The following AK5 variants were observed in gnomAD, a reference collection of about 807,000 sequenced individuals.
The protein encoded by AK5 is adenylate kinase isoenzyme 5.
A neutral mutation model predicts 69.5 loss-of-function variants in AK5; 27 were observed. The observed-to-expected ratio is 0.39, with a 90% CI of 0.29 to 0.54. The LOEUF is 0.54. Among genes scored for constraint, AK5 ranks in the 20% least tolerant of loss-of-function variants. The pLI is 0.71. For synonymous variants in AK5, 260 were observed against 244.4 expected (o/e 1.06, Z -0.60); for missense variants, 531 against 700.4 (o/e 0.76, Z 2.73).
chr1:77,520,783 G>A (rs1375393510), intron 11 of AK5, among the ~76,000 whole-genome samples: 2 of 152,122 alleles, frequency 1.3e-5, no homozygotes, highest in Non-Finnish European at 1.5e-5. Context: ...GTTCATCTAT[G>A]GTCTGTCTTC....
intron 8 of AK5, among the ~76,000 whole-genome samples, chr1:77,422,771 A>G (rs889204332): frequency 6.6e-6 from 1 of 152,224 alleles, no homozygotes; most frequent in East Asian, 1.9e-4. Flanking sequence ...GGAGCCTGGC[A>G]TATGGCATAT....
At chr1:77,529,460 G>C (rs989691532) in intron 12 of AK5, among the ~76,000 whole-genome samples, 2 of 151,834 alleles carry the variant, frequency 1.3e-5, no homozygotes, top group African/African-American at 4.8e-5. Context: ...CAGCAGCGGG[G>C]ATTACAGGTG....
intron 1 of AK5, 21 bp downstream of exon 1, chr1:77,282,394 C>T (rs61784593): frequency 1.1e-5 from 17 of 1,537,130 alleles, no homozygotes; most frequent in African/African-American, 1.4e-5. Flanking sequence ...AGCTGGCCGA[C>T]GGGCGGTAGC....
intron 8 of AK5, among the ~76,000 whole-genome samples, chr1:77,482,522 C>T (rs1455862937): frequency 1.3e-5 from 2 of 152,060 alleles, no homozygotes; most frequent in African/African-American, 4.8e-5. Flanking sequence ...TCTGTAATCC[C>T]AGCACTTTGA....
intron 10 of AK5, among the ~76,000 whole-genome samples, chr1:77,509,382 G>A (rs138120542): frequency 7.0e-4 from 106 of 152,168 alleles, no homozygotes; most frequent in East Asian, 7.7e-4. Flanking sequence ...AATTGTTTTC[G>A]GTCCAAGAGT....
chr1:77,412,782 G>A (rs577483064), intron 7 of AK5, among the ~76,000 whole-genome samples: 32 of 151,810 alleles, frequency 2.1e-4, no homozygotes, highest in East Asian at 7.7e-4. Flanking sequence ...CTCCCATATC[G>A]CCTCCTATGA....
At chr1:77,550,580 C>T (rs986850096) in intron 13 of AK5, among the ~76,000 whole-genome samples, 3 of 152,142 alleles carry the variant, frequency 2.0e-5, no homozygotes, top group Non-Finnish European at 4.4e-5. Flanking sequence ...ACACCAGCAC[C>T]CTTATAAGCT....
rs960229092 is a variant in AK5 at position 77,306,977 on chromosome 1, C to CT, written c.699+9038dup. Reference sequence around the variant, plus strand: ...AATTTTATTTATTTGGATCTTGTCTCTTTTTTTTCCTAGCCTGGCTAAAAG... The same window carrying CT: ...AATTTTATTTATTTGGATCTTGTCTCTTTTTTTTTCCTAGCCTGGCTAAAAG... On this transcript the variant is annotated intron_variant, in intron 5 of 13. Transcript: ENST00000354567. Among the ~76,000 whole-genome samples, 6 of 151,852 alleles carry CT rather than the reference C, an allele frequency of 4.0e-5. No individual in the cohort carries two copies. The East Asian group carries it at 9.7e-4, about 24-fold the overall frequency.
intron 2 of AK5, among the ~76,000 whole-genome samples, chr1:77,292,332 C>A (rs1022362920): frequency 1.3e-5 from 2 of 152,136 alleles, no homozygotes; most frequent in African/African-American, 2.4e-5. Context: ...CTGCAGACTA[C>A]CCAGTGCTTT....
intron 6 of AK5, among the ~76,000 whole-genome samples, chr1:77,360,785 T>G (rs1646849060): frequency 6.6e-6 from 1 of 152,168 alleles, no homozygotes. Flanking sequence ...TTGAAAAGTC[T>G]AGAATAGATC....
At chr1:77,301,948 C>G (rs1365479938) in intron 5 of AK5, among the ~76,000 whole-genome samples, 1 of 80,114 alleles carries the variant, frequency 1.2e-5, no homozygotes, top group Non-Finnish European at 2.7e-5. Context: ...ATATGCTATC[C>G]TCTCCTTTTT....
Position 77,486,349 on chromosome 1 carries a change from A to G in AK5, c.1144A>G (p.Ile382Val). 1 of 1,577,706 alleles carries G rather than the reference A, an allele frequency of 6.3e-7. No individual in the cohort carries two copies. The highest frequency in any genetic ancestry group is 8.7e-7 in the Non-Finnish European group (1 of 1,150,376). The change falls in exon 10 of 14, where the codon ATT becomes GTT. Residue 382 changes from isoleucine (I) to valine (V), a missense_variant. Coordinates refer to ENST00000354567, the MANE Select transcript of AK5 (RefSeq NM_174858.3). ...DLRKCKIIFI[I>V]GGPGSGKGTQ... ...GAGAAAGTGTAAAATTATTTTCATA[A>G]TTGGTGAGTAACAGCCCTTGCATTT...
chr1:77,414,563 T>G (rs1046897594), intron 7 of AK5, among the ~76,000 whole-genome samples: 2 of 152,298 alleles, frequency 1.3e-5, no homozygotes, highest in East Asian at 3.9e-4. Flanking sequence ...GGAGCCAACC[T>G]GAAAATAATA....
chr1:77,503,293 A>G (rs1656831541), intron 10 of AK5, among the ~76,000 whole-genome samples: 1 of 152,194 alleles, frequency 6.6e-6, no homozygotes, highest in Non-Finnish European at 1.5e-5. Context: ...GGGAATGTAC[A>G]TTTTTGCCTA....
intron 6 of AK5, among the ~76,000 whole-genome samples, chr1:77,397,002 A>C (rs185372494): frequency 2.6e-5 from 4 of 152,336 alleles, no homozygotes; most frequent in Non-Finnish European, 5.9e-5. Flanking sequence ...CACTCACTAC[A>C]GACACATGCC....
At chr1:77,438,325 C>A (rs6603949) in intron 8 of AK5, among the ~76,000 whole-genome samples, 1,443 of 25,406 alleles carry the variant, frequency 0.057, 42 homozygotes, top group Non-Finnish European at 0.084. Context: ...AAAAAAAAAA[C>A]AAGCTTGGGG....
intron 5 of AK5, among the ~76,000 whole-genome samples, chr1:77,321,988 G>C (rs1660559364): frequency 6.6e-6 from 1 of 152,140 alleles, no homozygotes; most frequent in Admixed American, 6.5e-5. Flanking sequence ...TATATTAGCA[G>C]CAAATTTTTA....
chr1:77,417,699 C>A lies in AK5; in HGVS notation c.1043C>A (p.Ser348Tyr), dbSNP rs1271965025. 3 of 1,601,822 alleles carry A rather than the reference C, an allele frequency of 1.9e-6. No homozygotes were observed. The South Asian group carries it at 3.3e-5, about 18-fold the overall frequency. ...ACTGGAGAGATCATTGATACAGGATCTGATTATGAAGATCAGGTAATTAAA... is the reference window on the plus strand; with the variant it reads ...ACTGGAGAGATCATTGATACAGGATATGATTATGAAGATCAGGTAATTAAA... ...LDTGEIIDTG[S>Y]DYEDQGDDQL... Residue 348 changes from serine to tyrosine, a missense_variant, in exon 8 of 14, where the codon TCT becomes TAT. Physicochemically the swap from Ser to Tyr is moderately radical, Grantham distance 144. Transcript: ENST00000354567.
intron 10 of AK5, among the ~76,000 whole-genome samples, chr1:77,501,654 C>T (rs921220974): frequency 5.3e-5 from 8 of 152,154 alleles, no homozygotes; most frequent in African/African-American, 1.4e-4. Flanking sequence ...CATCATTGAG[C>T]GAAATGTTGT....
Sources: allele counts gnomAD v4.1 joint callset (sites outside exome capture counted in the v4.1 genomes callset), GRCh38; gene constraint gnomAD v4.1.1; transcripts MANE v1.5; gene names NCBI Gene and HGNC (gene_info 2026-07-23, HGNC 2026-07-21).